Variants in CTU1 observed in about 807,000 individuals in gnomAD.
The protein encoded by CTU1 is cytosolic thiouridylase subunit 1.
In CTU1, 15 loss-of-function variants were observed where a neutral mutation model predicts 12.9. That is an observed-to-expected ratio of 1.16 (90% CI 0.78 to 1.79). CTU1 has a LOEUF of 1.79. CTU1 is among the 40% of genes most tolerant of loss of function. The pLI is 0.00. For synonymous variants in CTU1, 295 were observed against 275.6 expected, an observed-to-expected ratio of 1.07 and a Z score of -0.70; for missense variants, 553 against 550.5, an observed-to-expected ratio of 1.00 and a Z score of -0.05.
At chr19:51,105,098 C>T (rs1022657013) in intron 1 of CTU1, among the ~76,000 whole-genome samples, 1 of 151,992 alleles carries the variant, frequency 6.6e-6, no homozygotes, top group Non-Finnish European at 1.5e-5. Context: ...CTCTGTGCAG[C>T]GGGAGGTGGA....
At chr19:51,101,804 C>T (rs1053183883) in intron 2 of CTU1, among the ~76,000 whole-genome samples, 14 of 152,154 alleles carry the variant, frequency 9.2e-5, no homozygotes, top group Admixed American at 7.2e-4. Context: ...CTTGTCATTA[C>T]AAACCCACTT....
chr19:51,103,915 T>C (rs2091912902), intron 2 of CTU1, 147 bp downstream of exon 2: 1 of 841,032 alleles, frequency 1.2e-6, no homozygotes, highest in Non-Finnish European at 1.7e-6. Context: ...CGCACCTCCG[T>C]ACAGGGATCC....
chr19:51,102,599 C>T (rs1040524596), intron 2 of CTU1, among the ~76,000 whole-genome samples: 19 of 152,218 alleles, frequency 1.2e-4, no homozygotes, highest in African/African-American at 4.3e-4. Flanking sequence ...GTCTCCTCGG[C>T]TTTGTCCCTG....
At chr19:51,099,928 A>T (rs1169365773) in intron 2 of CTU1, among the ~76,000 whole-genome samples, 3 of 152,138 alleles carry the variant, frequency 2.0e-5, no homozygotes, top group Admixed American at 1.3e-4. Flanking sequence ...CAAGGTAATC[A>T]CAAAGACCCT....
At chr19:51,103,269 A>G (rs2091911375) in intron 2 of CTU1, among the ~76,000 whole-genome samples, 1 of 152,206 alleles carries the variant, frequency 6.6e-6, no homozygotes, top group African/African-American at 2.4e-5. Context: ...TCCGGCATAT[A>G]GCAGAAACTT....
At chr19:51,100,483 C>T in intron 2 of CTU1, among the ~76,000 whole-genome samples, 1 of 152,070 alleles carries the variant, frequency 6.6e-6, no homozygotes, top group South Asian at 2.1e-4. Flanking sequence ...TGGTGGCAGG[C>T]ACCTGTAACC....
At chr19:51,107,101 C>T (rs890469594) in intron 1 of CTU1, among the ~76,000 whole-genome samples, 1 of 152,168 alleles carries the variant, frequency 6.6e-6, no homozygotes, top group African/African-American at 2.4e-5. Context: ...GGGGGGTCCA[C>T]GTCCTGAGGA....
In CTU1 at chr19:51,098,819, G is replaced by C; in HGVS notation, c.829C>G (p.Pro277Ala). ...VHSAERLALA[P>A]AARPPRPGAC... ...CCGGGGCGCGGGGGCCGCGCGGCCG[G>C]GGCCAGCGCCAGGCGCTCGGCCGAG... The change falls in exon 3 of 3, where the codon CCG (proline) becomes GCG (alanine). Residue 277 changes from proline to alanine, a missense_variant. Physicochemically the swap from Pro to Ala is conservative, Grantham distance 27. Transcript: ENST00000421832. This position sits in a 1 kb window ranked among gnomAD's most constrained non-coding sequence, Gnocchi z 4.3. 1 of 1,085,404 alleles carries C rather than the reference G, an allele frequency of 9.2e-7. No homozygotes were observed. The highest frequency in any genetic ancestry group is 5.8e-5 in the East Asian group (1 of 17,254). 67.2% of individuals were successfully genotyped at this position (1,085,404 alleles called of 1,614,324 possible). A position where few individuals can be genotyped will look rare whatever the true frequency, so the allele number is the denominator to read the frequency against.
intron 1 of CTU1, among the ~76,000 whole-genome samples, chr19:51,107,120 G>A (rs140365505): frequency 0.01 from 1,592 of 152,262 alleles, 11 homozygotes; most frequent in Middle Eastern, 0.02. Flanking sequence ...GAAGGGAGAC[G>A]CTCGCAGGGG....
chr19:51,097,870 G>C lies in CTU1; in HGVS notation c.*731C>G, dbSNP rs781655339. ...GAGATTCGAGAGGGGATGGGTGGGG[G>C]AGGACCAATTCCACGACCTGTGATA... On this transcript the variant is annotated 3_prime_UTR_variant, in exon 3 of 3. Coordinates refer to ENST00000421832, the MANE Select transcript of CTU1 (RefSeq NM_145232.4). 11 of 152,362 alleles carry C rather than the reference G, an allele frequency of 7.2e-5. No homozygotes were observed. The highest frequency in any genetic ancestry group is 1.5e-4 in the Non-Finnish European group (10 of 68,096). 9.4% of individuals were successfully genotyped at this position (152,362 alleles called of 1,614,324 possible).
At chr19:51,100,648 T>C (rs1417907374) in intron 2 of CTU1, among the ~76,000 whole-genome samples, 1 of 152,042 alleles carries the variant, frequency 6.6e-6, no homozygotes, top group Admixed American at 6.6e-5. Context: ...CAGCCAGGAA[T>C]GTGGGCAGCC....
intron 2 of CTU1, among the ~76,000 whole-genome samples, chr19:51,103,534 G>A (rs1450342838): frequency 6.8e-6 from 1 of 145,988 alleles, no homozygotes; most frequent in Non-Finnish European, 1.5e-5. Flanking sequence ...GCAGTAAGCC[G>A]AGATCGCACC....
chr19:51,098,502 C>G lies in CTU1; in HGVS notation c.*99G>C. 9.0e-7 allele frequency: 1 copy of G among 1,108,796 alleles called. No homozygotes were observed. Among genetic ancestry groups the G allele is most frequent in the Non-Finnish European group, 1.1e-6 (1 of 886,880 alleles). The allele number at this position is 1,108,796 out of a possible 1,614,324, so 68.7% of individuals were successfully genotyped here. ...TGGGCCCCCGTCTCCTTCCCAACCC[C>G]ACATGGAAGGCCAGGTAAGGTAACG... On this transcript the variant is annotated 3_prime_UTR_variant, in exon 3 of 3. Coordinates refer to ENST00000421832, the MANE Select transcript of CTU1 (RefSeq NM_145232.4). This position sits in a 1 kb window ranked among gnomAD's most constrained non-coding sequence, Gnocchi z 4.3.
intron 2 of CTU1, among the ~76,000 whole-genome samples, chr19:51,103,083 TTA>T (rs1390388849): frequency 6.6e-6 from 1 of 152,236 alleles, no homozygotes; most frequent in Non-Finnish European, 1.5e-5. Context: ...GTAATCTATA[TTA>T]TATCATACGG....
At position 51,098,607 on chromosome 19, in the gene CTU1, G is replaced by C; in HGVS notation, c.1041C>G (p.Thr347=). 2 of 1,299,658 alleles carry C rather than the reference G, an allele frequency of 1.5e-6. No individual in the cohort carries two copies. Among genetic ancestry groups the C allele is most frequent in the East Asian group, 3.2e-5 (1 of 31,708 alleles). The allele number at this position is 1,299,658 out of a possible 1,614,324, so 80.5% of individuals were successfully genotyped here. A position where few individuals can be genotyped will look rare whatever the true frequency, so the allele number is the denominator to read the frequency against. ...GGCGGGAGGCCCGAAGTCGCTAGAA[G>C]GTGGGGACGGCCTTGGAGGCGGGGG... ...ARPPASKAVP[T]F is the part of the protein sequence containing the mutation. Residue 347 remains threonine (T), a synonymous_variant, in exon 3 of 3, where the codon ACC becomes ACG. Transcript: ENST00000421832. The surrounding 1 kb of genome is among the most constrained non-coding windows in gnomAD (Gnocchi z 4.3).
intron 2 of CTU1, among the ~76,000 whole-genome samples, chr19:51,103,629 C>T (rs942487248): frequency 1.3e-5 from 2 of 150,168 alleles, no homozygotes; most frequent in African/African-American, 4.9e-5. Context: ...AGAGGCCAAC[C>T]AAGAAAAGGA....
chr19:51,098,405 G>T lies in CTU1; in HGVS notation c.*196C>A. ...GCCCCCTCCTCCCTCAGAGCCTGAA[G>T]CCCAGTTCGAGACCCTTCTTCCCTG... is the stretch of plus-strand genomic sequence containing the variant. On this transcript the variant is annotated 3_prime_UTR_variant, in exon 3 of 3. Coordinates refer to ENST00000421832, the MANE Select transcript of CTU1 (RefSeq NM_145232.4). This position sits in a 1 kb window ranked among gnomAD's most constrained non-coding sequence, Gnocchi z 4.3. The T allele has an allele frequency of 2.4e-6, 1 of 424,380 alleles. No homozygotes were observed. Among genetic ancestry groups the T allele is most frequent in the Non-Finnish European group, 3.8e-6 (1 of 263,774 alleles). The allele number at this position is 424,380 out of a possible 1,614,324, so 26.3% of individuals were successfully genotyped here. A position where few individuals can be genotyped will look rare whatever the true frequency, so the allele number is the denominator to read the frequency against.
At chr19:51,102,299 G>C (rs141188797) in intron 2 of CTU1, among the ~76,000 whole-genome samples, 1 of 152,130 alleles carries the variant, frequency 6.6e-6, no homozygotes, top group Non-Finnish European at 1.5e-5. Context: ...CACTGTGCCC[G>C]GCCGAAGCCT....
At chr19:51,106,354 C>A (rs940600953) in intron 1 of CTU1, among the ~76,000 whole-genome samples, 8 of 152,186 alleles carry the variant, frequency 5.3e-5, no homozygotes, top group African/African-American at 1.9e-4. Context: ...CACAGGTGAG[C>A]AGCAACTCTT....
Sources: allele counts gnomAD v4.1 joint callset (sites outside exome capture counted in the v4.1 genomes callset), GRCh38; gene constraint gnomAD v4.1.1; non-coding constraint Gnocchi (gnomAD v3.1); transcripts MANE v1.5; gene names NCBI Gene and HGNC (gene_info 2026-07-23, HGNC 2026-07-21).